The following KRABD3 variants were observed in gnomAD, a reference collection of about 807,000 sequenced individuals.
KRABD3 encodes KRAB domain-containing protein 3.
the KRABD3 span, among the ~76,000 whole-genome samples, chr7:149,726,933 T>A: frequency 1.2e-4 from 19 of 152,112 alleles, no homozygotes; most frequent in Non-Finnish European, 2.4e-4. Context: ...AAAAATTTCC[T>A]TTTTGCATTG....
the KRABD3 span, chr7:149,724,606 G>C: frequency 2.2e-6 from 3 of 1,362,444 alleles, no homozygotes; most frequent in South Asian, 1.7e-5. Context: ...TTCTCAGGGT[G>C]AGTCCAGGCC....
At chr7:149,721,901 C>T in the KRABD3 span, 1 of 427,870 alleles carries the variant, frequency 2.3e-6, no homozygotes, top group Non-Finnish European at 4.4e-6. Context: ...ACCCTAACTG[C>T]AGAGCAGGGC....
chr7:149,720,731 T>C, the KRABD3 span: 1 of 1,197,838 alleles, frequency 8.3e-7, no homozygotes, highest in Admixed American at 2.3e-5. Flanking sequence ...GCTCCTCATG[T>C]GGCTGGGAGG....
chr7:149,733,933 C>T, the KRABD3 span: 40 of 1,596,172 alleles, frequency 2.5e-5, no homozygotes, highest in East Asian at 1.4e-4. Context: ...TGGCACCAGA[C>T]GGGATCCCAG....
At chr7:149,717,680 C>A in the KRABD3 span, among the ~76,000 whole-genome samples, 1 of 152,036 alleles carries the variant, frequency 6.6e-6, no homozygotes. Context: ...GGAGGGGCTG[C>A]CCCTTGCCAG....
At chr7:149,720,703 A>G in the KRABD3 span, 15 of 945,026 alleles carry the variant, frequency 1.6e-5, no homozygotes, top group Non-Finnish European at 2.0e-5. Context: ...CTCATGGGAC[A>G]TGGTGTCTCC....
the KRABD3 span, chr7:149,723,031 C>T: frequency 4.8e-6 from 6 of 1,242,376 alleles, no homozygotes; most frequent in Non-Finnish European, 6.5e-6. Flanking sequence ...CTGCTCCAAA[C>T]TGTCTCCCTT....
At chr7:149,721,482 C>T in the KRABD3 span, 17 of 1,612,912 alleles carry the variant, frequency 1.1e-5, no homozygotes, top group African/African-American at 4.0e-5. Context: ...ACCGACAGCT[C>T]GTGTTCCAGT....
the KRABD3 span, chr7:149,725,389 C>G: frequency 1.9e-6 from 3 of 1,610,172 alleles, no homozygotes; most frequent in Non-Finnish European, 2.5e-6. Flanking sequence ...TGGGTCGTCA[C>G]CTTCCCAGCT....
At chr7:149,719,529 G>C in the KRABD3 span, 25 of 1,553,014 alleles carry the variant, frequency 1.6e-5, no homozygotes, top group Non-Finnish European at 2.2e-5. The surrounding 1 kb of genome is among the most constrained non-coding windows in gnomAD (Gnocchi z 5.6). Flanking sequence ...CAACCCCCCC[G>C]GAGACTGTGC....
the KRABD3 span, chr7:149,734,067 A>C: frequency 6.3e-7 from 1 of 1,578,874 alleles, no homozygotes; most frequent in South Asian, 1.2e-5. Flanking sequence ...TCTTCTCCAC[A>C]TCTGCTCGTT....
chr7:149,725,612 G>C, the KRABD3 span: 2 of 1,089,630 alleles, frequency 1.8e-6, no homozygotes, highest in Non-Finnish European at 2.6e-6. Context: ...CCCCCAGGCT[G>C]CCTTTCATAC....
At chr7:149,715,225 C>G in the KRABD3 span, 1 of 1,216,786 alleles carries the variant, frequency 8.2e-7, no homozygotes, top group Non-Finnish European at 1.0e-6. Context: ...GGTCCTCGGA[C>G]AACCTCTCTC....
At chr7:149,734,222 G>T in the KRABD3 span, 15 of 837,276 alleles carry the variant, frequency 1.8e-5, no homozygotes, top group Middle Eastern at 3.7e-4. Context: ...TGTTTGCTCA[G>T]GAGGCTGCTG....
chr7:149,717,693 G>T, the KRABD3 span, among the ~76,000 whole-genome samples: 1 of 152,198 alleles, frequency 6.6e-6, no homozygotes, highest in Admixed American at 6.5e-5. Context: ...CTTGCCAGGG[G>T]TGTAGATGCA....
the KRABD3 span, among the ~76,000 whole-genome samples, chr7:149,719,223 C>T: frequency 6.6e-6 from 1 of 152,176 alleles, no homozygotes; most frequent in Non-Finnish European, 1.5e-5. The surrounding 1 kb of genome is among the most constrained non-coding windows in gnomAD (Gnocchi z 5.6). Context: ...CTCTGTGTCT[C>T]TTCTGATAAG....
the KRABD3 span, chr7:149,723,940 C>G: frequency 6.3e-7 from 1 of 1,592,996 alleles, no homozygotes; most frequent in African/African-American, 1.3e-5. Context: ...CTACATTACC[C>G]TGCCCCAGGC....
chr7:149,733,876 CTCT>C, the KRABD3 span: 1 of 1,592,326 alleles, frequency 6.3e-7, no homozygotes, highest in Non-Finnish European at 8.5e-7. Context: ...TGCAGGGAGC[CTCT>C]CCTCCTGCAG....
At chr7:149,725,695 ACT>A in the KRABD3 span, among the ~76,000 whole-genome samples, 2 of 151,208 alleles carry the variant, frequency 1.3e-5, no homozygotes, top group African/African-American at 2.4e-5. Flanking sequence ...TTCTCTCAGA[ACT>A]CTCTCCAGTC....
Sources: gnomAD v4.1 joint callset for allele counts (sites outside exome capture counted in the v4.1 genomes callset) on GRCh38, gnomAD v4.1.1 for gene constraint, Gnocchi (gnomAD v3.1) non-coding constraint, MANE v1.5 for transcripts, NCBI Gene and HGNC (gene_info 2026-07-23, HGNC 2026-07-21) for gene names.